JAZF1: variants seen among roughly 807,000 people sequenced by gnomAD.
The protein encoded by JAZF1 is juxtaposed with another zinc finger protein 1.
A neutral mutation model predicts 26.4 loss-of-function variants in JAZF1; 8 were observed. The ratio of observed to expected loss-of-function variants is 0.30; its 90% CI spans 0.18 to 0.55. The LOEUF (loss-of-function observed/expected upper bound fraction) is 0.55, where lower values mean the gene tolerates loss of function less well. JAZF1 is among the 20% of genes least tolerant of loss of function. The pLI, the probability that JAZF1 is intolerant of heterozygous loss-of-function variation, is 0.94. For missense variants in JAZF1, 199 were observed against 322.0 expected (o/e 0.62, Z 2.92); for synonymous variants, 126 against 122.3 (o/e 1.03, Z -0.20).
intron 2 of JAZF1, among the ~76,000 whole-genome samples, chr7:27,898,525 G>C (rs1784111014): frequency 6.6e-6 from 1 of 151,836 alleles, no homozygotes; most frequent in South Asian, 2.1e-4. Flanking sequence ...GGCTGGTCTT[G>C]AACTACTGAC....
intron 1 of JAZF1, among the ~76,000 whole-genome samples, chr7:28,027,364 G>A (rs1783111332): frequency 1.3e-5 from 2 of 152,172 alleles, no homozygotes; most frequent in South Asian, 4.1e-4. Flanking sequence ...TTATTTGTGG[G>A]TTATGTTCTT....
chr7:27,878,500 C>T (rs750449616), intron 3 of JAZF1, among the ~76,000 whole-genome samples: 2 of 152,052 alleles, frequency 1.3e-5, no homozygotes, highest in African/African-American at 2.4e-5. Context: ...ATTTCATGAC[C>T]CATCAATGAG....
chr7:27,993,367 C>G (rs188263708), intron 1 of JAZF1, among the ~76,000 whole-genome samples: 99 of 152,224 alleles, frequency 6.5e-4, no homozygotes, highest in African/African-American at 2.4e-3. Flanking sequence ...GGCTATTCCT[C>G]GATCTCTGGC....
At chr7:28,077,422 C>G (rs986241198) in intron 1 of JAZF1, among the ~76,000 whole-genome samples, 1 of 151,984 alleles carries the variant, frequency 6.6e-6, no homozygotes, top group African/African-American at 2.4e-5. Context: ...CTATTTTTCA[C>G]GTATTGATTA....
rs1207154369 is a variant in JAZF1, at chr7:27,831,721, G to A, written c.*1079C>T. The stretch of plus-strand genomic sequence containing the variant: ...ACCTTTTAAAAAAAGTAAAAAATGA[G>A]CATGAAGAAGAGGCAATAGGGGTCT... On this transcript the variant is annotated 3_prime_UTR_variant, in exon 5 of 5. Coordinates refer to ENST00000283928, the MANE Select transcript of JAZF1 (RefSeq NM_175061.4). 1 of 225,594 alleles carries A rather than the reference G, an allele frequency of 4.4e-6. No homozygotes were observed. The highest frequency in any genetic ancestry group is 2.2e-5 in the African/African-American group (1 of 44,926). 14.0% of individuals were successfully genotyped at this position (225,594 alleles called of 1,614,324 possible). A position where few individuals can be genotyped will look rare whatever the true frequency, so the allele number is the denominator to read the frequency against.
chr7:27,973,694 G>A (rs186051573), intron 2 of JAZF1, among the ~76,000 whole-genome samples: 75 of 152,322 alleles, frequency 4.9e-4, no homozygotes, highest in Admixed American at 2.5e-3. Context: ...AGTGTTAAAT[G>A]TCCATCTTGA....
rs373226711 is a variant in JAZF1 at position 28,141,171 on chromosome 7, T to C, written c.115+39292A>G. Among the ~76,000 whole-genome samples the C allele has an allele frequency of 3.8e-4, 56 of 146,310 alleles. No homozygotes were observed. In the East Asian group the frequency reaches 9.1e-3, roughly 24 times the overall value. ...GTGAAATCCCAAGCCAAATGTGAAA[T>C]AGAAAATCGAGACAGACACAACTCA... On this transcript the variant is annotated intron_variant, in intron 1 of 4. Coordinates refer to ENST00000283928, the MANE Select transcript of JAZF1 (RefSeq NM_175061.4).
intron 2 of JAZF1, among the ~76,000 whole-genome samples, chr7:27,910,176 A>G (rs1013712377): frequency 1.3e-5 from 2 of 152,224 alleles, no homozygotes; most frequent in African/African-American, 4.8e-5. Context: ...CTTGCACAGT[A>G]TAGTGAGATT....
chr7:27,988,067 C>T (rs1785770379), intron 2 of JAZF1, among the ~76,000 whole-genome samples: 4 of 152,134 alleles, frequency 2.6e-5, no homozygotes, highest in Admixed American at 6.6e-5. Context: ...CTGCAGGGTC[C>T]TCTGCCTAGG....
At chr7:27,894,306 T>A (rs1784022927) in intron 3 of JAZF1, among the ~76,000 whole-genome samples, 1 of 152,222 alleles carries the variant, frequency 6.6e-6, no homozygotes. Flanking sequence ...GTGCTGTGAT[T>A]ATACATGTGA....
intron 1 of JAZF1, among the ~76,000 whole-genome samples, chr7:28,157,982 T>A (rs1033546832): frequency 2.0e-5 from 3 of 152,038 alleles, no homozygotes; most frequent in African/African-American, 7.2e-5. Flanking sequence ...TCATGTTGGT[T>A]CCTGCAGCAG....
intron 1 of JAZF1, among the ~76,000 whole-genome samples, chr7:28,109,292 C>T (rs1784601926): frequency 6.6e-6 from 1 of 151,952 alleles, no homozygotes; most frequent in African/African-American, 2.4e-5. Flanking sequence ...TCCACAATGT[C>T]GACATATATC....
intron 1 of JAZF1, among the ~76,000 whole-genome samples, chr7:28,153,523 G>A (rs1259527992): frequency 1.3e-5 from 2 of 152,048 alleles, no homozygotes; most frequent in African/African-American, 2.4e-5. Context: ...TCTAGATGAC[G>A]ATACCAGGAA....
rs115157824 is a variant in JAZF1, at chr7:27,890,565, A to C, written c.385+4655T>G. On this transcript the variant is annotated intron_variant, in intron 3 of 4. Transcript: ENST00000283928. ...TGGATAGAAAGTGTGGGTATACTGG[A>C]AAGAGCTTATTCTTTGAATAGACAG... Among the ~76,000 whole-genome samples, 307 of 152,272 alleles carry C rather than the reference A, an allele frequency of 2.0e-3. 5 individuals carry two copies. Among genetic ancestry groups the C allele is most frequent in the African/African-American group, 7.1e-3 (297 of 41,546 alleles).
At chr7:28,037,924 TTTCTC>T (rs1783321330) in intron 1 of JAZF1, among the ~76,000 whole-genome samples, 2 of 152,226 alleles carry the variant, frequency 1.3e-5, no homozygotes, top group Admixed American at 6.5e-5. Context: ...CAAACTCACT[TTTCTC>T]TACTCTAGTC....
intron 2 of JAZF1, among the ~76,000 whole-genome samples, chr7:27,939,003 C>G (rs1307649181): frequency 6.6e-6 from 1 of 152,126 alleles, no homozygotes; most frequent in Non-Finnish European, 1.5e-5. Flanking sequence ...GAGAATGGCT[C>G]TCACTTGTTT....
intron 2 of JAZF1, among the ~76,000 whole-genome samples, chr7:27,920,502 G>A (rs1784509821): frequency 1.3e-5 from 2 of 152,202 alleles, no homozygotes; most frequent in African/African-American, 4.8e-5. Flanking sequence ...ATATGACGAT[G>A]TGTCATATGG....
At position 27,831,326 on chromosome 7, in the gene JAZF1, C is replaced by T. The variant is rs1165647941; in HGVS notation, c.*1474G>A. The T allele has an allele frequency of 4.4e-6, 1 of 226,674 alleles. No homozygotes were observed. Among genetic ancestry groups the T allele is most frequent in the Non-Finnish European group, 8.8e-6 (1 of 113,812 alleles). The allele number at this position is 226,674 out of a possible 1,614,324, so 14.0% of individuals were successfully genotyped here. On this transcript the variant is annotated 3_prime_UTR_variant, in exon 5 of 5. Transcript: ENST00000283928. The stretch of plus-strand genomic sequence containing the variant: ...TTATATGTGATGTAAGACTTTTCAT[C>T]AAATGGGAACATGGGAAGAAACTTT...
intron 3 of JAZF1, among the ~76,000 whole-genome samples, chr7:27,854,160 A>C (rs1783202109): frequency 6.6e-6 from 1 of 152,186 alleles, no homozygotes; most frequent in Non-Finnish European, 1.5e-5. Flanking sequence ...TTGCTGGTTT[A>C]AAGTCTGTTT....
Sources: allele counts gnomAD v4.1 joint callset (sites outside exome capture counted in the v4.1 genomes callset), GRCh38; gene constraint gnomAD v4.1.1; transcripts MANE v1.5; gene names NCBI Gene and HGNC (gene_info 2026-07-23, HGNC 2026-07-21).